The following INO80 variants were observed in gnomAD, a reference collection of about 807,000 sequenced individuals.
INO80 encodes the protein chromatin-remodeling ATPase INO80.
INO80 carries 20 observed loss-of-function variants against 203.4 expected under a neutral mutation model. The observed-to-expected ratio is 0.10, with a 90% CI of 0.07 to 0.14. INO80 has a LOEUF of 0.14. Among genes scored for constraint, INO80 ranks in the 10% least tolerant of loss-of-function variants. INO80 has a pLI of 1.00. For missense variants in INO80, 1,419 were observed against 1,914.4 expected (o/e 0.74, Z 4.83); for synonymous variants, 726 against 685.2 (o/e 1.06, Z -0.93).
chr15:41,011,906 C>A (rs1191057397), intron 27 of INO80, among the ~76,000 whole-genome samples: 1 of 152,204 alleles, frequency 6.6e-6, no homozygotes, highest in Non-Finnish European at 1.5e-5. Flanking sequence ...CTATATTACA[C>A]TATTATCATA....
At chr15:41,036,216 C>T (rs1320585172) in intron 24 of INO80, among the ~76,000 whole-genome samples, 1 of 148,512 alleles carries the variant, frequency 6.7e-6, no homozygotes, top group South Asian at 2.1e-4. Flanking sequence ...AAGCTGCTCC[C>T]AAGTTCCCAG....
intron 13 of INO80, 27 bp downstream of exon 13, chr15:41,070,440 G>T: frequency 3.2e-6 from 5 of 1,581,508 alleles, no homozygotes; most frequent in Non-Finnish European, 4.3e-6. Flanking sequence ...CTAGAGAAAT[G>T]AAGATAGAAA....
intron 16 of INO80, among the ~76,000 whole-genome samples, chr15:41,057,908 C>T (rs2045023791): frequency 6.6e-6 from 1 of 150,882 alleles, no homozygotes; most frequent in South Asian, 2.1e-4. Context: ...TTTCTAACGA[C>T]TCACCATGAG....
At chr15:41,044,436 CAA>C (rs1382830741) in intron 24 of INO80, among the ~76,000 whole-genome samples, 3 of 152,108 alleles carry the variant, frequency 2.0e-5, no homozygotes, top group Non-Finnish European at 4.4e-5. Context: ...ATCCCAGTTA[CAA>C]AAGAGTACAT....
intron 19 of INO80, among the ~76,000 whole-genome samples, chr15:41,052,559 G>A (rs1450600902): frequency 6.6e-6 from 1 of 151,300 alleles, no homozygotes; most frequent in African/African-American, 2.4e-5. Flanking sequence ...TGTAGACCCA[G>A]CTACTAGGGA....
chr15:41,023,919 T>C (rs1024927027), intron 25 of INO80, among the ~76,000 whole-genome samples: 1 of 151,930 alleles, frequency 6.6e-6, no homozygotes, highest in African/African-American at 2.4e-5. Context: ...GCAGAACTTA[T>C]ATTGGAATTA....
chr15:41,070,113 G>A (rs1488624306), intron 13 of INO80, among the ~76,000 whole-genome samples: 1 of 152,188 alleles, frequency 6.6e-6, no homozygotes, highest in Non-Finnish European at 1.5e-5. Flanking sequence ...GCCTCAGAGA[G>A]TTAAGTTGAA....
At chr15:41,110,471 G>C (rs1484478289) in intron 1 of INO80, among the ~76,000 whole-genome samples, 1 of 149,198 alleles carries the variant, frequency 6.7e-6, no homozygotes, top group Non-Finnish European at 1.5e-5. Context: ...ACAGGGTCTC[G>C]CTTGTCACCC....
chr15:41,081,439 C>T (rs2045483342), intron 7 of INO80, among the ~76,000 whole-genome samples: 1 of 152,174 alleles, frequency 6.6e-6, no homozygotes, highest in Non-Finnish European at 1.5e-5. Flanking sequence ...GCTGAGAGAG[C>T]AGGGCATCCA....
rs2044287399 is a variant in INO80, at chr15:41,021,114, C to T, written c.3060G>A (p.Val1020=). 1 of 1,612,964 alleles carries T rather than the reference C, an allele frequency of 6.2e-7. No individual in the cohort carries two copies. Among genetic ancestry groups the T allele is most frequent in the African/African-American group, 1.3e-5 (1 of 74,922 alleles). Residue 1020 remains valine, a synonymous_variant, in exon 26 of 36, where the codon GTG becomes GTA. Transcript: ENST00000648947. ...LCVASPRVTA[V]PLDSYCNDRS... ...GGTCATTGCAGTAAGAATCCAATGG[C>T]ACTGCGGTAACCTGCAGTTAAAGAT...
chr15:41,049,895 CA>C, intron 20 of INO80, 39 bp downstream of exon 20: 1 of 1,567,762 alleles, frequency 6.4e-7, no homozygotes, highest in Non-Finnish European at 8.7e-7. Context: ...TCTCAAAAAA[CA>C]AAAAACAAAA....
chr15:41,092,386 A>G (rs1418919848), intron 4 of INO80, among the ~76,000 whole-genome samples: 1 of 152,252 alleles, frequency 6.6e-6, no homozygotes, highest in Non-Finnish European at 1.5e-5. Flanking sequence ...AAAATGCAAT[A>G]AAACATGGGA....
intron 9 of INO80, among the ~76,000 whole-genome samples, chr15:41,075,040 T>C (rs1177589969): frequency 1.3e-5 from 2 of 152,146 alleles, no homozygotes; most frequent in Admixed American, 6.6e-5. Flanking sequence ...CCTGGCACAA[T>C]GAATAACTTT....
chr15:41,023,334 G>A, intron 25 of INO80: 1 of 455,978 alleles, frequency 2.2e-6, no homozygotes, highest in Non-Finnish European at 4.4e-6. Context: ...CATGTAGGAT[G>A]TGTGTCGCAG....
chr15:40,978,884 C>T lies in INO80; in HGVS notation c.*1339G>A, dbSNP rs1402192786. ...CAAAGACCACAGACACCTCAATTTACATAAAATTATCTCACTCCATTTTAT... is the reference window on the plus strand; with the variant it reads ...CAAAGACCACAGACACCTCAATTTATATAAAATTATCTCACTCCATTTTAT... On this transcript the variant is annotated 3_prime_UTR_variant, in exon 36 of 36. Transcript: ENST00000648947. 6.6e-6 allele frequency: 1 copy of T among 152,640 alleles called. No homozygotes were observed. The highest frequency in any genetic ancestry group is 1.5e-5 in the Non-Finnish European group (1 of 68,040). The allele number at this position is 152,640 out of a possible 1,614,324, so 9.5% of individuals were successfully genotyped here.
In INO80 at chr15:40,981,178, ACAG is replaced by A. The variant is rs1171523721; in HGVS notation, c.4454-741_4454-739del. 2.7e-3 allele frequency among the ~76,000 whole-genome samples: 16 copies of A among 5,826 alleles called. No homozygotes were observed. In the Admixed American group the frequency reaches 0.094, roughly 34 times the overall value. The allele number at this position is 5,826 out of a possible 152,430, so 3.8% of individuals were successfully genotyped here. On this transcript the variant is annotated intron_variant, in intron 35 of 35. Transcript: ENST00000648947. ...GGCAGACATGTCTCTCTCCTCATCCACAGTGGAACCACGGGTACTCTCTGAACC... is the reference window on the plus strand; with the variant it reads ...GGCAGACATGTCTCTCTCCTCATCCATGGAACCACGGGTACTCTCTGAACC...
chr15:41,032,416 GA>G (rs971335188), intron 24 of INO80, among the ~76,000 whole-genome samples: 2 of 152,244 alleles, frequency 1.3e-5, no homozygotes, highest in African/African-American at 4.8e-5. Context: ...TTAATGCAGA[GA>G]AACACAATAG....
At chr15:41,057,300 C>T (rs549453758) in intron 16 of INO80, among the ~76,000 whole-genome samples, 1 of 151,592 alleles carries the variant, frequency 6.6e-6, no homozygotes. Context: ...ACTATAAATA[C>T]AAAAAATTAG....
At chr15:40,991,754 G>A (rs2043819416) in intron 29 of INO80, among the ~76,000 whole-genome samples, 1 of 151,918 alleles carries the variant, frequency 6.6e-6, no homozygotes, top group South Asian at 2.1e-4. Flanking sequence ...ATGAGAGAAT[G>A]AGATTTAAAA....
Sources: gnomAD v4.1 joint callset for allele counts (sites outside exome capture counted in the v4.1 genomes callset) on GRCh38, gnomAD v4.1.1 for gene constraint, MANE v1.5 for transcripts, NCBI Gene and HGNC (gene_info 2026-07-23, HGNC 2026-07-21) for gene names.